HDAC8: variants seen among roughly 807,000 people sequenced by gnomAD.
HDAC8 encodes the protein histone deacetylase 8.
A neutral mutation model predicts 32.2 loss-of-function variants in HDAC8; 1 was observed. The ratio of observed to expected loss-of-function variants is 0.03; its 90% confidence interval spans 0.01 to 0.15. The LOEUF (loss-of-function observed/expected upper bound fraction) is 0.15, where lower values mean the gene tolerates loss of function less well. Among genes scored for constraint, HDAC8 ranks in the 10% least tolerant of loss-of-function variants. HDAC8 has a pLI of 1.00. For missense variants in HDAC8, 117 were observed against 300.0 expected (o/e 0.39, Z 4.51); for synonymous variants, 108 against 113.9 (o/e 0.95, Z 0.33).
chrX:72,442,734 G>C (rs1194634707), intron 9 of HDAC8, among the ~76,000 whole-genome samples: 1 of 111,959 alleles, frequency 8.9e-6, no homozygotes, highest in Non-Finnish European at 1.9e-5. Flanking sequence ...AAAAGACACA[G>C]ACTGGCAAAT....
intron 7 of HDAC8, among the ~76,000 whole-genome samples, chrX:72,472,675 T>C (rs1555998435): frequency 8.9e-6 from 1 of 111,887 alleles, no homozygotes; most frequent in African/African-American, 3.3e-5. Context: ...TGGATACATT[T>C]TAGGATCAGA....
intron 4 of HDAC8, among the ~76,000 whole-genome samples, chrX:72,500,845 T>C (rs1470900484): frequency 8.9e-6 from 1 of 111,863 alleles, no homozygotes; most frequent in Non-Finnish European, 1.9e-5. Context: ...TGTCTGCAGA[T>C]GACATGGTTC....
At chrX:72,542,504 G>T (rs1556043947) in intron 4 of HDAC8, among the ~76,000 whole-genome samples, 1 of 111,904 alleles carries the variant, frequency 8.9e-6, no homozygotes, top group African/African-American at 3.2e-5. Context: ...CTACGTCTTG[G>T]TCAACAACTT....
chrX:72,379,922 ATTC>A (rs2045221010), intron 9 of HDAC8, among the ~76,000 whole-genome samples: 1 of 110,940 alleles, frequency 9.0e-6, no homozygotes, highest in Non-Finnish European at 1.9e-5. Context: ...AATTGCTTAA[ATTC>A]ATGGAGCCAG....
At chrX:72,423,090 CT>C (rs1219796788) in intron 9 of HDAC8, among the ~76,000 whole-genome samples, 2 of 111,506 alleles carry the variant, frequency 1.8e-5, no homozygotes, top group South Asian at 3.8e-4. Flanking sequence ...AAAATTATAA[CT>C]TTTTTTTAAA....
intron 6 of HDAC8, among the ~76,000 whole-genome samples, chrX:72,490,519 C>T (rs1343601385): frequency 2.7e-4 from 28 of 102,157 alleles, no homozygotes; most frequent in African/African-American, 1.0e-3. Context: ...AACCAAACAC[C>T]GCATATTCTC....
At chrX:72,487,375 A>G (rs1241499735) in intron 7 of HDAC8, among the ~76,000 whole-genome samples, 3 of 111,834 alleles carry the variant, frequency 2.7e-5, no homozygotes, top group Non-Finnish European at 5.6e-5. Flanking sequence ...CTGACTGAAG[A>G]AGGATAAATA....
At chrX:72,491,492 A>ATTAGCCAT (rs1336479813) in intron 5 of HDAC8, among the ~76,000 whole-genome samples, 1 of 112,309 alleles carries the variant, frequency 8.9e-6, no homozygotes, top group Non-Finnish European at 1.9e-5. Flanking sequence ...CAATAGAAAC[A>ATTAGCCAT]TTAGCCATTA....
intron 9 of HDAC8, among the ~76,000 whole-genome samples, chrX:72,354,740 T>C (rs782701099): frequency 8.9e-6 from 1 of 111,939 alleles, no homozygotes; most frequent in East Asian, 2.8e-4. Flanking sequence ...ATGAATTATA[T>C]AGTGGTGAAT....
chrX:72,563,826 A>T (rs1430881608), intron 4 of HDAC8, among the ~76,000 whole-genome samples: 1 of 111,637 alleles, frequency 9.0e-6, no homozygotes, highest in Non-Finnish European at 1.9e-5. Flanking sequence ...TTTCTTCCAA[A>T]CCACACTCAC....
intron 9 of HDAC8, among the ~76,000 whole-genome samples, chrX:72,454,507 T>G (rs1420110808): frequency 8.9e-6 from 1 of 112,480 alleles, no homozygotes; most frequent in Admixed American, 9.4e-5. Flanking sequence ...GAAATATGAT[T>G]AAAATTATCT....
chrX:72,489,480 T>C (rs1428843834), intron 6 of HDAC8, among the ~76,000 whole-genome samples: 1 of 111,595 alleles, frequency 9.0e-6, no homozygotes, highest in Non-Finnish European at 1.9e-5. Context: ...TGCACAGGAC[T>C]GAGAAAAACA....
intron 4 of HDAC8, among the ~76,000 whole-genome samples, chrX:72,511,141 T>C (rs782455833): frequency 3.6e-4 from 40 of 111,627 alleles, no homozygotes; most frequent in Non-Finnish European, 4.0e-4. Context: ...AATGTATACG[T>C]ACATTTTAAA....
At position 72,375,354 on chromosome X, in the gene HDAC8, GA is replaced by G. The variant is rs781897916; in HGVS notation, c.1006-23517del. 5.4e-5 allele frequency among the ~76,000 whole-genome samples: 6 copies of G among 112,111 alleles called. 1 individual carries two copies. In the South Asian group the frequency reaches 2.3e-3, roughly 42 times the overall value. Reference sequence around the variant, plus strand: ...ACTGGCTCATGCACTTATGGAGGCTGAGAAGACTTTTGACCTGCCATCTGCA... The same window carrying G: ...ACTGGCTCATGCACTTATGGAGGCTGGAAGACTTTTGACCTGCCATCTGCA... On this transcript the variant is annotated intron_variant, in intron 9 of 10. Coordinates refer to ENST00000373573, the MANE Select transcript of HDAC8 (RefSeq NM_018486.3).
intron 9 of HDAC8, among the ~76,000 whole-genome samples, chrX:72,436,292 A>G (rs1406239167): frequency 1.8e-5 from 2 of 112,316 alleles, no homozygotes; most frequent in African/African-American, 6.5e-5. Context: ...CTGAAAAATA[A>G]AGACAAAGAA....
rs782421738 is a variant in HDAC8 at position 72,374,672 on chromosome X, C to CA, written c.1006-22835dup. 3.6e-3 allele frequency among the ~76,000 whole-genome samples: 343 copies of CA among 93,985 alleles called. 2 individuals carry two copies. Among genetic ancestry groups the CA allele is most frequent in the African/African-American group, 8.1e-3 (209 of 25,739 alleles). The allele number at this position is 93,985 out of a possible 115,157, so 81.6% of individuals were successfully genotyped here. ...GGGTGATGGGAGTGAAACCCTGTCTCAAAAAAAAAAAAATGTATTCTGGAT... is the reference window on the plus strand; with the variant it reads ...GGGTGATGGGAGTGAAACCCTGTCTCAAAAAAAAAAAAAATGTATTCTGGAT... On this transcript the variant is annotated intron_variant, in intron 9 of 10. Transcript: ENST00000373573.
chrX:72,490,250 T>G (rs1556008485), intron 6 of HDAC8, among the ~76,000 whole-genome samples: 1 of 110,800 alleles, frequency 9.0e-6, no homozygotes, highest in East Asian at 2.9e-4. Flanking sequence ...ATCCCATTAC[T>G]GGGTATATAC....
At chrX:72,447,260 C>G (rs2047432966) in intron 9 of HDAC8, among the ~76,000 whole-genome samples, 1 of 112,243 alleles carries the variant, frequency 8.9e-6, no homozygotes, top group African/African-American at 3.2e-5. Context: ...GCCTTCATCC[C>G]TGGGATGCAA....
intron 9 of HDAC8, among the ~76,000 whole-genome samples, chrX:72,368,481 C>T (rs1358180434): frequency 9.1e-6 from 1 of 110,243 alleles, no homozygotes; most frequent in Non-Finnish European, 1.9e-5. Context: ...CTCAGCCTCC[C>T]GAGTAGCTGG....
Sources: gnomAD v4.1 joint callset for allele counts (sites outside exome capture counted in the v4.1 genomes callset) on GRCh38, gnomAD v4.1.1 for gene constraint, MANE v1.5 for transcripts, NCBI Gene and HGNC (gene_info 2026-07-23, HGNC 2026-07-21) for gene names.